The following MMAB variants were observed in gnomAD, a reference collection of about 807,000 sequenced individuals.
MMAB encodes corrinoid adenosyltransferase MMAB.
Under a neutral mutation model 30.6 loss-of-function variants are expected in MMAB, and 17 were observed. That is an observed-to-expected ratio of 0.56 (90% CI 0.38 to 0.83). The LOEUF is 0.83. Among genes scored for constraint, MMAB ranks in the 40% least tolerant of loss-of-function variants. MMAB has a pLI of 0.00. For missense variants in MMAB, 311 were observed against 331.6 expected (o/e 0.94, Z 0.48); for synonymous variants, 134 against 138.6 (o/e 0.97, Z 0.23).
chr12:109,555,449 ATTTTTT>A lies in MMAB; in HGVS notation c.*1573_*1578del, dbSNP rs34507867. 3.5e-4 allele frequency: 111 copies of A among 318,328 alleles called. No homozygotes were observed. The highest frequency in any genetic ancestry group is 5.4e-4 in the Admixed American group (12 of 22,262). 19.7% of individuals were successfully genotyped at this position (318,328 alleles called of 1,614,324 possible). On this transcript the variant is annotated 3_prime_UTR_variant, in exon 9 of 9. Coordinates refer to ENST00000545712, the MANE Select transcript of MMAB (RefSeq NM_052845.4). The stretch of plus-strand genomic sequence containing the variant: ...AGGCACCCGCCACCATGCCCAGCTA[ATTTTTT>A]TTTTTTTTTTTTTTTTTTAGCAGAA...
In MMAB at chr12:109,555,701, T is replaced by C; in HGVS notation, c.*1327A>G. The C allele has an allele frequency of 2.2e-6, 1 of 453,782 alleles. No individual in the cohort carries two copies. Among genetic ancestry groups the C allele is most frequent in the South Asian group, 1.6e-5 (1 of 64,474 alleles). 28.1% of individuals were successfully genotyped at this position (453,782 alleles called of 1,614,324 possible). On this transcript the variant is annotated 3_prime_UTR_variant, in exon 9 of 9. Coordinates refer to ENST00000545712, the MANE Select transcript of MMAB (RefSeq NM_052845.4). ...CTGGTCATCTGCACCTCACCCACCC[T>C]GCCCAAGGCTCAAGAGGGCCATCAC...
At position 109,554,661 on chromosome 12, in the gene MMAB, G is replaced by A. The variant is rs1275162297; in HGVS notation, c.*2367C>T. 1 of 454,026 alleles carries A rather than the reference G, an allele frequency of 2.2e-6. No homozygotes were observed. The highest frequency in any genetic ancestry group is 4.4e-6 in the Non-Finnish European group (1 of 226,800). 28.1% of individuals were successfully genotyped at this position (454,026 alleles called of 1,614,324 possible). On this transcript the variant is annotated 3_prime_UTR_variant, in exon 9 of 9. Transcript: ENST00000545712. ...GGCTTCGCAGTCACATTTCCTGACT[G>A]TAGGGCTTTCATTAACTTTTCCCAC...
intron 3 of MMAB, among the ~76,000 whole-genome samples, chr12:109,566,548 C>T (rs772150958): frequency 1.3e-5 from 2 of 152,206 alleles, no homozygotes; most frequent in Non-Finnish European, 2.9e-5. Flanking sequence ...AGGGATGCCC[C>T]GTGACCAGGC....
chr12:109,565,207 G>GGGACA, intron 3 of MMAB, 31 bp from the exon 4 acceptor site: 1 of 1,546,394 alleles, frequency 6.5e-7, no homozygotes, highest in Non-Finnish European at 8.9e-7. Context: ...GAATTTGCCT[G>GGGACA]TAATGTAATG....
rs142149488 is a variant in MMAB at position 109,555,245 on chromosome 12, T to A, written c.*1783A>T. The A allele has an allele frequency of 1.6e-5, 7 of 449,792 alleles. No homozygotes were observed. The highest frequency in any genetic ancestry group is 1.2e-4 in the African/African-American group (6 of 49,002). 27.9% of individuals were successfully genotyped at this position (449,792 alleles called of 1,614,324 possible). A position where few individuals can be genotyped will look rare whatever the true frequency, so the allele number is the denominator to read the frequency against. ...CTGCAAGCTCTTTGAACATACTCCC[T>A]GACCGAGCCTTAGTGATTGCGTTTT... On this transcript the variant is annotated 3_prime_UTR_variant, in exon 9 of 9. Transcript: ENST00000545712.
chr12:109,560,718 A>G (rs114679030), intron 7 of MMAB, among the ~76,000 whole-genome samples: 16 of 152,358 alleles, frequency 1.1e-4, no homozygotes, highest in African/African-American at 3.8e-4. Flanking sequence ...CTCAGAATAC[A>G]GGGCTCACAA....
At position 109,561,604 on chromosome 12, in the gene MMAB, G is replaced by T; in HGVS notation, c.422-87C>A. Reference sequence around the variant, plus strand: ...AACCACCCCCGCCGCCCTTCCACCTGGGTGTCCCGCAGACTGCTTCCACTG... The same window carrying T: ...AACCACCCCCGCCGCCCTTCCACCTTGGTGTCCCGCAGACTGCTTCCACTG... On this transcript the variant is annotated intron_variant, in intron 5 of 8. Coordinates refer to ENST00000545712, the MANE Select transcript of MMAB (RefSeq NM_052845.4). The surrounding 1 kb of genome is among the most constrained non-coding windows in gnomAD (Gnocchi z 5.3). The T allele has an allele frequency of 7.7e-7, 1 of 1,303,102 alleles. No individual in the cohort carries two copies. The highest frequency in any genetic ancestry group is 1.1e-6 in the Non-Finnish European group (1 of 930,828). The allele number at this position is 1,303,102 out of a possible 1,614,324, so 80.7% of individuals were successfully genotyped here. A position where few individuals can be genotyped will look rare whatever the true frequency, so the allele number is the denominator to read the frequency against.
rs1884560016 is a variant in MMAB at position 109,569,455 on chromosome 12, C to T, written c.197-592G>A. ...GGTTAGCCACTATGCTCACTTCTTT[C>T]CTGATGTGCTTTTCAACTTAAAAAC... On this transcript the variant is annotated intron_variant, in intron 2 of 8. Coordinates refer to ENST00000545712, the MANE Select transcript of MMAB (RefSeq NM_052845.4). The surrounding 1 kb of genome is among the most constrained non-coding windows in gnomAD (Gnocchi z 4.1). Among the ~76,000 whole-genome samples the T allele has an allele frequency of 6.6e-6, 1 of 152,196 alleles. No homozygotes were observed. The highest frequency in any genetic ancestry group is 1.5e-5 in the Non-Finnish European group (1 of 68,038).
chr12:109,570,389 T>G (rs1246714358), intron 2 of MMAB, among the ~76,000 whole-genome samples: 2 of 152,186 alleles, frequency 1.3e-5, no homozygotes, highest in Non-Finnish European at 2.9e-5. Flanking sequence ...TCCAACATCC[T>G]CTTCCTTCTT....
In MMAB at chr12:109,555,905, G is replaced by A. The variant is rs866167235; in HGVS notation, c.*1123C>T. 2.9e-5 allele frequency: 13 copies of A among 453,990 alleles called. No homozygotes were observed. Among genetic ancestry groups the A allele is most frequent in the Non-Finnish European group, 4.9e-5 (11 of 226,794 alleles). The allele number at this position is 453,990 out of a possible 1,614,324, so 28.1% of individuals were successfully genotyped here. On this transcript the variant is annotated 3_prime_UTR_variant, in exon 9 of 9. Coordinates refer to ENST00000545712, the MANE Select transcript of MMAB (RefSeq NM_052845.4). ...AAAGACCAGCTGTCCCGAGCCTAGC[G>A]CGGTGGCCCATGCTAAGCAGCCACT... is the stretch of plus-strand genomic sequence containing the variant.
Position 109,557,240 on chromosome 12 carries a change from G to T in MMAB, c.645-104C>A, listed in dbSNP as rs1884013049. 1.2e-5 allele frequency: 10 copies of T among 815,048 alleles called. No individual in the cohort carries two copies. In the Admixed American group the frequency reaches 1.9e-4, roughly 15 times the overall value. 50.5% of individuals were successfully genotyped at this position (815,048 alleles called of 1,614,324 possible). The stretch of plus-strand genomic sequence containing the variant: ...CCTACAAGGAGGAGATATAAATGAC[G>T]CACTCTGGGCACATTGTGCAGGGAG... On this transcript the variant is annotated intron_variant, in intron 8 of 8. Coordinates refer to ENST00000545712, the MANE Select transcript of MMAB (RefSeq NM_052845.4).
rs777715438 is a variant in MMAB at position 109,561,258 on chromosome 12, A to G, written c.520-154T>C. Reference sequence around the variant, plus strand: ...GCACACCCACCGGGCACGCTGCTCCAGAGTGGGCAGGGCTGGGAGGGACCG... The same window carrying G: ...GCACACCCACCGGGCACGCTGCTCCGGAGTGGGCAGGGCTGGGAGGGACCG... On this transcript the variant is annotated intron_variant, in intron 6 of 8. Coordinates refer to ENST00000545712, the MANE Select transcript of MMAB (RefSeq NM_052845.4). The surrounding 1 kb of genome is among the most constrained non-coding windows in gnomAD (Gnocchi z 5.3). 4 of 1,587,712 alleles carry G rather than the reference A, an allele frequency of 2.5e-6. No homozygotes were observed. The highest frequency in any genetic ancestry group is 3.4e-6 in the Non-Finnish European group (4 of 1,174,622).
At position 109,565,144 on chromosome 12, in the gene MMAB, T is replaced by C. The variant is rs1371803607; in HGVS notation, c.323A>G (p.His108Arg). ...FALELVTEKG[H>R]TFAEELQKIQ... ...TTTCTGAAGCTCTTCGGCAAATGTA[T>C]GGCCCTTTTCTGTGACTAATTCCAG... Residue 108 changes from histidine to arginine, a missense_variant, in exon 4 of 9, where the codon CAT (histidine) becomes CGT (arginine). By Grantham distance (29) the His-to-Arg change is conservative (BLOSUM62 0). Coordinates refer to ENST00000545712, the MANE Select transcript of MMAB (RefSeq NM_052845.4). The C allele has an allele frequency of 1.9e-6, 3 of 1,614,088 alleles. No homozygotes were observed. The highest frequency in any genetic ancestry group is 1.3e-5 in the African/African-American group (1 of 75,020).
chr12:109,557,658 T>A (rs763704290), intron 8 of MMAB, among the ~76,000 whole-genome samples: 8 of 152,224 alleles, frequency 5.3e-5, no homozygotes, highest in Admixed American at 1.3e-4. Context: ...ATTCTGTGTG[T>A]TCGGGGCTGT....
chr12:109,559,919 C>T (rs1332891504), intron 7 of MMAB, among the ~76,000 whole-genome samples: 1 of 152,196 alleles, frequency 6.6e-6, no homozygotes, highest in Non-Finnish European at 1.5e-5. Context: ...AGCTTCCTCA[C>T]CCGAGGTGCC....
At chr12:109,570,155 C>T in intron 2 of MMAB, 1 of 246,886 alleles carries the variant, frequency 4.1e-6, no homozygotes, top group Non-Finnish European at 8.4e-6. Flanking sequence ...CCCAGCTATT[C>T]GCGAGGCTGA....
Position 109,571,727 on chromosome 12 carries a change from A to T in MMAB, c.135-17T>A. 6.2e-7 allele frequency: 1 copy of T among 1,612,122 alleles called. No homozygotes were observed. On this transcript the variant is annotated splice_polypyrimidine_tract_variant and intron_variant, in intron 1 of 8. Coordinates refer to ENST00000545712, the MANE Select transcript of MMAB (RefSeq NM_052845.4). ...GGCTGTGGCCTAATGAGAAATAAAC[A>T]TCAGTATCTGGTGAGTGGGGATGGC...
intron 2 of MMAB, 36 bp downstream of exon 2, chr12:109,571,613 G>A (rs779684216): frequency 5.7e-6 from 9 of 1,577,216 alleles, no homozygotes; most frequent in Non-Finnish European, 7.9e-6. Flanking sequence ...TATGCCATGA[G>A]TATTTCTTTG....
rs1555274496 is a variant in MMAB, at chr12:109,561,046, TCGGCCCGGCGGCACA to T, written c.563_577del (p.Val188_Ala192del). 2.1e-6 allele frequency: 3 copies of T among 1,450,432 alleles called. No homozygotes were observed. The highest frequency in any genetic ancestry group is 3.2e-5 in the East Asian group (1 of 30,906). 89.8% of individuals were successfully genotyped at this position (1,450,432 alleles called of 1,614,324 possible). A position where few individuals can be genotyped will look rare whatever the true frequency, so the allele number is the denominator to read the frequency against. Reference sequence around the variant, plus strand: ...CTCTCTCCAGCCCTCTTACCGTCTCTCGGCCCGGCGGCACACGGCCCGGCAGAAATGCAGCGCCGA... The same window carrying T: ...CTCTCTCCAGCCCTCTTACCGTCTCTCGGCCCGGCAGAAATGCAGCGCCGA... On this transcript the variant is annotated inframe_deletion, in exon 7 of 9. Transcript: ENST00000545712. The surrounding 1 kb of genome is among the most constrained non-coding windows in gnomAD (Gnocchi z 5.3).
Sources: allele counts gnomAD v4.1 joint callset (sites outside exome capture counted in the v4.1 genomes callset), GRCh38; gene constraint gnomAD v4.1.1; non-coding constraint Gnocchi (gnomAD v3.1); transcripts MANE v1.5; gene names NCBI Gene and HGNC (gene_info 2026-07-23, HGNC 2026-07-21).